Variants in PLG observed in about 807,000 individuals in gnomAD.
The protein encoded by PLG is plasmin.
PLG carries 41 observed loss-of-function variants against 104.4 expected under a neutral mutation model. That is an observed-to-expected ratio of 0.39 (90% CI 0.31 to 0.51). The LOEUF (loss-of-function observed/expected upper bound fraction) is 0.51, where lower values mean the gene tolerates loss of function less well. Among genes scored for constraint, PLG ranks in the 20% least tolerant of loss-of-function variants. The pLI is 0.76. For synonymous variants in PLG, 337 were observed against 357.1 expected (o/e 0.94, Z 0.63); for missense variants, 891 against 1,003.6 (o/e 0.89, Z 1.52).
rs557053552 is a variant in PLG, at chr6:160,739,932, A to G, written c.2018+724A>G. Among the ~76,000 whole-genome samples, 4 of 152,312 alleles carry G rather than the reference A, an allele frequency of 2.6e-5. No individual in the cohort carries two copies. Among genetic ancestry groups the G allele is most frequent in the Non-Finnish European group, 5.9e-5 (4 of 68,022 alleles). On this transcript the variant is annotated intron_variant, in intron 16 of 18. Transcript: ENST00000308192. This position sits in a 1 kb window ranked among gnomAD's most constrained non-coding sequence, Gnocchi z 4.4. ...TTGTTTCACTAAGCCTGACAAAGTG[A>G]AACATTTGCTTATGTCACTCATTTA...
At chr6:160,745,223 G>A (rs1242163023) in intron 17 of PLG, among the ~76,000 whole-genome samples, 2 of 152,108 alleles carry the variant, frequency 1.3e-5, no homozygotes, top group East Asian at 1.9e-4. Context: ...TTTGTGCCTC[G>A]ATGATCTGTC....
chr6:160,704,624 T>C (rs1171500828), intron 1 of PLG, among the ~76,000 whole-genome samples: 1 of 152,242 alleles, frequency 6.6e-6, no homozygotes, highest in East Asian at 1.9e-4. Flanking sequence ...AGCATCTATT[T>C]CTTTGTGATC....
At chr6:160,707,475 T>G (rs1487671785) in intron 2 of PLG, among the ~76,000 whole-genome samples, 1 of 151,834 alleles carries the variant, frequency 6.6e-6, no homozygotes, top group East Asian at 1.9e-4. Flanking sequence ...AAGGGAAAAT[T>G]ATGAGGGAGG....
rs1777914094 is a variant in PLG, at chr6:160,725,941, T to C, written c.1256+3374T>C. On this transcript the variant is annotated intron_variant, in intron 10 of 18. Coordinates refer to ENST00000308192, the MANE Select transcript of PLG (RefSeq NM_000301.5). The surrounding 1 kb of genome is among the most constrained non-coding windows in gnomAD (Gnocchi z 6.3). ...CACCCTCATAAGAGCCCTTCTGATA[T>C]ATGAAGCAAACACTGACAGAACTGA... is the stretch of plus-strand genomic sequence containing the variant. Among the ~76,000 whole-genome samples, 1 of 152,148 alleles carries C rather than the reference T, an allele frequency of 6.6e-6. No individual in the cohort carries two copies. The highest frequency in any genetic ancestry group is 1.5e-5 in the Non-Finnish European group (1 of 68,006).
In PLG at chr6:160,718,804, C is replaced by T. The variant is rs756915624; in HGVS notation, c.1062C>T (p.Ser354=). 1 of 1,613,870 alleles carries T rather than the reference C, an allele frequency of 6.2e-7. No individual in the cohort carries two copies. Among genetic ancestry groups the T allele is most frequent in the South Asian group, 1.1e-5 (1 of 91,070 alleles). ...ACTGTAAGATACCGTCCTGTGACTC[C>T]TCCCCAGTATCCACGGAACAATTGG... ...WEYCKIPSCD[S]SPVSTEQLAP... Residue 354 remains serine, a synonymous_variant, in exon 9 of 19, where the codon TCC becomes TCT. Transcript: ENST00000308192.
intron 10 of PLG, 151 bp downstream of exon 10, chr6:160,722,718 G>A: frequency 4.1e-6 from 3 of 723,534 alleles, no homozygotes; most frequent in South Asian, 3.5e-5. Flanking sequence ...TCTTGCTTTT[G>A]AAGAAAGGGC....
At chr6:160,742,081 T>C (rs1778206487) in intron 17 of PLG, among the ~76,000 whole-genome samples, 1 of 152,370 alleles carries the variant, frequency 6.6e-6, no homozygotes, top group Non-Finnish European at 1.5e-5. Flanking sequence ...ATATAGGTGA[T>C]TCCATGTCTT....
intron 9 of PLG, 61 bp downstream of exon 9, chr6:160,718,899 G>A: frequency 7.1e-7 from 1 of 1,406,256 alleles, no homozygotes; most frequent in South Asian, 1.2e-5. Context: ...TTGTATACCA[G>A]TGGCATCATC....
In PLG at chr6:160,737,059, A is replaced by G; in HGVS notation, c.1802+52A>G. ...TACTGTCCCTCCACGTAAGCCCTGC[A>G]AAACCCTTCTACATTTACATAAAAT... On this transcript the variant is annotated intron_variant, in intron 14 of 18. Coordinates refer to ENST00000308192, the MANE Select transcript of PLG (RefSeq NM_000301.5). This position sits in a 1 kb window ranked among gnomAD's most constrained non-coding sequence, Gnocchi z 4.7. 1 of 1,608,338 alleles carries G rather than the reference A, an allele frequency of 6.2e-7. No homozygotes were observed. Among genetic ancestry groups the G allele is most frequent in the Non-Finnish European group, 8.5e-7 (1 of 1,177,630 alleles).
At chr6:160,704,116 C>T (rs1480867596) in intron 1 of PLG, among the ~76,000 whole-genome samples, 1 of 152,150 alleles carries the variant, frequency 6.6e-6, no homozygotes, top group Non-Finnish European at 1.5e-5. Context: ...CTGCATTTTG[C>T]CTATAATATA....
intron 12 of PLG, among the ~76,000 whole-genome samples, chr6:160,733,602 G>A (rs999597120): frequency 5.3e-5 from 8 of 152,108 alleles, no homozygotes. Flanking sequence ...CACTTTGGGA[G>A]GCTGAGACAA....
intron 2 of PLG, among the ~76,000 whole-genome samples, chr6:160,706,762 T>C (rs1777536217): frequency 6.6e-6 from 1 of 152,178 alleles, no homozygotes; most frequent in Non-Finnish European, 1.5e-5. Context: ...TATTTGTTTT[T>C]ACACCGGACA....
chr6:160,717,298 C>A (rs1053876283), intron 7 of PLG, among the ~76,000 whole-genome samples: 9 of 152,100 alleles, frequency 5.9e-5, no homozygotes, highest in Non-Finnish European at 1.2e-4. Context: ...TCATATTTTC[C>A]TCTCTGAGAA....
In PLG at chr6:160,707,739, A is replaced by C; in HGVS notation, c.225A>C (p.Ile75=). ...ACAGTAAAGAGCAACAATGTGTGATAATGGCTGAAAACAGGAAGTCCTCCA... is the reference window on the plus strand; with the variant it reads ...ACAGTAAAGAGCAACAATGTGTGATCATGGCTGAAAACAGGAAGTCCTCCA... ...QYHSKEQQCV[I]MAENRKSSII... Residue 75 remains isoleucine, a synonymous_variant, in exon 3 of 19, where the codon ATA becomes ATC. Transcript: ENST00000308192. 1 of 1,611,536 alleles carries C rather than the reference A, an allele frequency of 6.2e-7. No individual in the cohort carries two copies. The highest frequency in any genetic ancestry group is 8.5e-7 in the Non-Finnish European group (1 of 1,179,430).
At chr6:160,747,407 T>C (rs528944918) in intron 17 of PLG, among the ~76,000 whole-genome samples, 1 of 152,298 alleles carries the variant, frequency 6.6e-6, no homozygotes, top group Non-Finnish European at 1.5e-5. Context: ...AAGACTGTCT[T>C]AGGATCCCTG....
At position 160,739,153 on chromosome 6, in the gene PLG, T is replaced by C. The variant is rs1365231896; in HGVS notation, c.1963T>C (p.Ser655Pro). The C allele has an allele frequency of 6.2e-7, 1 of 1,614,116 alleles. No individual in the cohort carries two copies. The highest frequency in any genetic ancestry group is 8.5e-7 in the Non-Finnish European group (1 of 1,180,006). ...LEPHVQEIEVSRLFLEPTRKD... is the reference protein window; with the variant it reads ...LEPHVQEIEVPRLFLEPTRKD... The stretch of plus-strand genomic sequence containing the variant: ...ACCGCATGTTCAGGAAATAGAAGTG[T>C]CTAGGCTGTTCTTGGAGCCCACACG... Residue 655 changes from serine (S) to proline (P), a missense_variant, in exon 16 of 19, where the codon TCT becomes CCT. Ser to Pro is a moderately conservative substitution (Grantham distance 74). Transcript: ENST00000308192. This position sits in a 1 kb window ranked among gnomAD's most constrained non-coding sequence, Gnocchi z 4.4.
rs1777907862 is a variant in PLG, at chr6:160,725,481, GATA to G, written c.1256+2922_1256+2924del. Among the ~76,000 whole-genome samples, 1 of 151,516 alleles carries G rather than the reference GATA, an allele frequency of 6.6e-6. No homozygotes were observed. The highest frequency in any genetic ancestry group is 1.9e-4 in the East Asian group (1 of 5,172). ...GAAAAAATTTAAACTTAGAGGAATA[GATA>G]ATAATAAGAATGTTCCATTTATCCA... is the stretch of plus-strand genomic sequence containing the variant. On this transcript the variant is annotated intron_variant, in intron 10 of 18. Transcript: ENST00000308192. The surrounding 1 kb of genome is among the most constrained non-coding windows in gnomAD (Gnocchi z 6.3).
rs1778050111 is a variant in PLG, at chr6:160,734,183, G to A, written c.1681+95G>A. On this transcript the variant is annotated intron_variant, in intron 13 of 18. Coordinates refer to ENST00000308192, the MANE Select transcript of PLG (RefSeq NM_000301.5). The surrounding 1 kb of genome is among the most constrained non-coding windows in gnomAD (Gnocchi z 4.4). ...CTTCTGAGCAGACTGCTTCTGGGGA[G>A]GAGATAGCTGCCCTCTCCATCAGAC... The A allele has an allele frequency of 2.8e-6, 2 of 709,890 alleles. No individual in the cohort carries two copies. Among genetic ancestry groups the A allele is most frequent in the South Asian group, 1.5e-5 (1 of 68,244 alleles). The allele number at this position is 709,890 out of a possible 1,614,324, so 44.0% of individuals were successfully genotyped here.
rs987162403 is a variant in PLG, at chr6:160,752,019, A to G, written c.2126-96A>G. 8.4e-6 allele frequency: 9 copies of G among 1,077,110 alleles called. No homozygotes were observed. The African/African-American group carries it at 1.2e-4, about 15-fold the overall frequency. The allele number at this position is 1,077,110 out of a possible 1,614,324, so 66.7% of individuals were successfully genotyped here. A position where few individuals can be genotyped will look rare whatever the true frequency, so the allele number is the denominator to read the frequency against. Reference sequence around the variant, plus strand: ...GAGCTGCCTCGTGTTCTGCAGCCTCACAGACAGGAGGTCCAGTGCCGCTGC... The same window carrying G: ...GAGCTGCCTCGTGTTCTGCAGCCTCGCAGACAGGAGGTCCAGTGCCGCTGC... On this transcript the variant is annotated intron_variant, in intron 17 of 18. Transcript: ENST00000308192. The surrounding 1 kb of genome is among the most constrained non-coding windows in gnomAD (Gnocchi z 4.7).
Sources: allele counts gnomAD v4.1 joint callset (sites outside exome capture counted in the v4.1 genomes callset), GRCh38; gene constraint gnomAD v4.1.1; non-coding constraint Gnocchi (gnomAD v3.1); transcripts MANE v1.5; gene names NCBI Gene and HGNC (gene_info 2026-07-23, HGNC 2026-07-21).